Variants in ARHGAP5 observed in about 807,000 individuals in gnomAD.
ARHGAP5 encodes rho GTPase-activating protein 5.
Under a neutral mutation model 116.6 loss-of-function variants are expected in ARHGAP5, and 23 were observed. That is an observed-to-expected ratio of 0.20 (90% CI 0.14 to 0.28). ARHGAP5 has a LOEUF of 0.28. Ranked by LOEUF, ARHGAP5 falls within the 10% of genes least tolerant of loss-of-function variation. The probability of loss-of-function intolerance (pLI) is 1.00; values close to 1 mark genes in which losing one functional copy is unlikely to be tolerated. For synonymous variants in ARHGAP5, 574 were observed against 602.0 expected (o/e 0.95, Z 0.68); for missense variants, 1,405 against 1,774.8 (o/e 0.79, Z 3.74).
rs950474413 is a variant in ARHGAP5, at chr14:32,154,891, A to T, written c.4452A>T (p.Pro1484=). The T allele has an allele frequency of 6.2e-7, 1 of 1,613,900 alleles. No homozygotes were observed. Among genetic ancestry groups the T allele is most frequent in the Non-Finnish European group, 8.5e-7 (1 of 1,179,914 alleles). Residue 1484 remains proline (P), a synonymous_variant, in exon 7 of 7, where the codon CCA becomes CCT. Coordinates refer to ENST00000345122, the MANE Select transcript of ARHGAP5 (RefSeq NM_001030055.2). The part of the protein sequence containing the change: ...EPMVPLQLPP[P]LQPQLIQPQL... ...TGGTGCCACTTCAGTTGCCGCCACC[A>T]TTGCAACCTCAGCTGATACAACCAC... is the stretch of plus-strand genomic sequence containing the variant.
intron 2 of ARHGAP5, among the ~76,000 whole-genome samples, chr14:32,096,105 G>A (rs1878512543): frequency 6.7e-6 from 1 of 150,254 alleles, no homozygotes; most frequent in African/African-American, 2.4e-5. Context: ...GTGTGTGCGT[G>A]CGCACGTGTG....
chr14:32,132,872 G>A (rs1170400529), intron 3 of ARHGAP5, among the ~76,000 whole-genome samples: 6 of 152,088 alleles, frequency 3.9e-5, no homozygotes, highest in Non-Finnish European at 8.8e-5. Flanking sequence ...TTTTTGTCAG[G>A]TTTGTCAAAG....
rs1279011499 is a variant in ARHGAP5, at chr14:32,155,167, T to C, written c.*219T>C. The C allele has an allele frequency of 3.9e-6, 2 of 506,866 alleles. No individual in the cohort carries two copies. Among genetic ancestry groups the C allele is most frequent in the Non-Finnish European group, 6.9e-6 (2 of 288,814 alleles). 31.4% of individuals were successfully genotyped at this position (506,866 alleles called of 1,614,324 possible). A position where few individuals can be genotyped will look rare whatever the true frequency, so the allele number is the denominator to read the frequency against. ...GAGGTTTAATTTTTATAAACAAAAA[T>C]AGCTATAAAGTACAAAGCTGCTGCT... On this transcript the variant is annotated 3_prime_UTR_variant, in exon 7 of 7. Coordinates refer to ENST00000345122, the MANE Select transcript of ARHGAP5 (RefSeq NM_001030055.2).
intron 3 of ARHGAP5, among the ~76,000 whole-genome samples, chr14:32,121,193 A>G (rs929778725): frequency 1.3e-5 from 2 of 151,872 alleles, no homozygotes; most frequent in Non-Finnish European, 2.9e-5. Context: ...GTTTTGGTAG[A>G]AACAGGGTTT....
At chr14:32,116,185 G>T (rs542340199) in intron 2 of ARHGAP5, among the ~76,000 whole-genome samples, 2 of 151,428 alleles carry the variant, frequency 1.3e-5, no homozygotes, top group East Asian at 3.9e-4. Context: ...TACTCCGGAG[G>T]CTGAGGCAGG....
At chr14:32,115,868 G>C (rs1879545140) in intron 2 of ARHGAP5, among the ~76,000 whole-genome samples, 1 of 148,688 alleles carries the variant, frequency 6.7e-6, no homozygotes, top group Non-Finnish European at 1.5e-5. Context: ...GGTGGCAGGC[G>C]CCTGTAGTCC....
In ARHGAP5 at chr14:32,108,032, G is replaced by A. The variant is rs1319305653; in HGVS notation, c.3718-9108G>A. ...TGATATGGGAGCTAACAGATCAAGT[G>A]TTTAGGGAGGAAGTTCAAGAAAGAA... is the stretch of plus-strand genomic sequence containing the variant. On this transcript the variant is annotated intron_variant, in intron 2 of 6. Coordinates refer to ENST00000345122, the MANE Select transcript of ARHGAP5 (RefSeq NM_001030055.2). Among the ~76,000 whole-genome samples the A allele has an allele frequency of 1.3e-5, 2 of 152,138 alleles. 1 individual carries two copies. Among genetic ancestry groups the A allele is most frequent in the Non-Finnish European group, 2.9e-5 (2 of 68,002 alleles).
intron 3 of ARHGAP5, among the ~76,000 whole-genome samples, chr14:32,144,240 A>T (rs1881268210): frequency 6.6e-6 from 1 of 152,214 alleles, no homozygotes; most frequent in Admixed American, 6.5e-5. Flanking sequence ...GAATACATTC[A>T]CAAAGTCAGG....
rs2041716261 is a variant in ARHGAP5, at chr14:32,077,427, C to T, written c.-177C>T. 2.8e-6 allele frequency: 2 copies of T among 706,324 alleles called. No individual in the cohort carries two copies. The highest frequency in any genetic ancestry group is 2.6e-6 in the Non-Finnish European group (1 of 387,128). 43.8% of individuals were successfully genotyped at this position (706,324 alleles called of 1,614,324 possible). ...TTGAGGAGGAGACGGAGGAGACCGA[C>T]GTTGTTAGGTAGGACCTTGCGGACC... On this transcript the variant is annotated 5_prime_UTR_variant, in exon 1 of 7. In the 5' UTR this introduces an upstream ATG that the reference lacks. Coordinates refer to ENST00000345122, the MANE Select transcript of ARHGAP5 (RefSeq NM_001030055.2).
chr14:32,094,840 G>T (rs551026650), intron 2 of ARHGAP5, among the ~76,000 whole-genome samples: 13 of 152,214 alleles, frequency 8.5e-5, no homozygotes, highest in African/African-American at 3.1e-4. Flanking sequence ...GCAGATGGTG[G>T]TATACTACCT....
At chr14:32,111,678 T>C (rs1033652522) in intron 2 of ARHGAP5, among the ~76,000 whole-genome samples, 1 of 152,124 alleles carries the variant, frequency 6.6e-6, no homozygotes, top group Non-Finnish European at 1.5e-5. Context: ...AAGAATGATA[T>C]AGCAGGAAAA....
chr14:32,158,274 C>T lies in ARHGAP5; in HGVS notation c.*3326C>T, dbSNP rs879027280. 4.6e-5 allele frequency: 7 copies of T among 151,634 alleles called. No individual in the cohort carries two copies. Among genetic ancestry groups the T allele is most frequent in the African/African-American group, 1.7e-4 (7 of 41,344 alleles). 9.4% of individuals were successfully genotyped at this position (151,634 alleles called of 1,614,324 possible). ...TTAAGGAGATGTATTATTGAATTTT[C>T]ACTGTACCTGAAAAGGAGATTCAAA... On this transcript the variant is annotated 3_prime_UTR_variant, in exon 7 of 7. Transcript: ENST00000345122.
At chr14:32,112,823 A>C (rs1879378071) in intron 2 of ARHGAP5, among the ~76,000 whole-genome samples, 1 of 152,054 alleles carries the variant, frequency 6.6e-6, no homozygotes. Flanking sequence ...GTGAGCAGAG[A>C]TGGCGCCACT....
intron 3 of ARHGAP5, among the ~76,000 whole-genome samples, chr14:32,137,820 A>G (rs1880888713): frequency 6.6e-6 from 1 of 151,842 alleles, no homozygotes; most frequent in Non-Finnish European, 1.5e-5. Flanking sequence ...AAAAATACAA[A>G]AATTAGCCAG....
At position 32,129,346 on chromosome 14, in the gene ARHGAP5, C is replaced by T. The variant is rs575582604; in HGVS notation, c.3865+12059C>T. Among the ~76,000 whole-genome samples the T allele has an allele frequency of 9.2e-5, 14 of 152,108 alleles. No individual in the cohort carries two copies. In the East Asian group the frequency reaches 2.7e-3, roughly 29 times the overall value. On this transcript the variant is annotated intron_variant, in intron 3 of 6. Transcript: ENST00000345122. ...ATAGCTGAGGTATTACTGTATTTGCCAGAATTTTTATTTGCATGTGGTTGC... is the reference window on the plus strand; with the variant it reads ...ATAGCTGAGGTATTACTGTATTTGCTAGAATTTTTATTTGCATGTGGTTGC...
rs1437591375 is a variant in ARHGAP5, at chr14:32,159,143, T to C, written c.*4195T>C. ...TGATAATTAGCATTTTAGTTAATAC[T>C]AAATGCATAAAATTATAACCCTTGA... On this transcript the variant is annotated 3_prime_UTR_variant, in exon 7 of 7. Coordinates refer to ENST00000345122, the MANE Select transcript of ARHGAP5 (RefSeq NM_001030055.2). 6.6e-6 allele frequency: 1 copy of C among 152,162 alleles called. No individual in the cohort carries two copies. The highest frequency in any genetic ancestry group is 1.5e-5 in the Non-Finnish European group (1 of 67,978). 9.4% of individuals were successfully genotyped at this position (152,162 alleles called of 1,614,324 possible).
At chr14:32,138,550 C>T (rs1880932547) in intron 3 of ARHGAP5, among the ~76,000 whole-genome samples, 1 of 152,200 alleles carries the variant, frequency 6.6e-6, no homozygotes, top group Non-Finnish European at 1.5e-5. Context: ...TCCCAAAGTG[C>T]TGGGATTACA....
intron 2 of ARHGAP5, among the ~76,000 whole-genome samples, chr14:32,098,956 G>C (rs1878661141): frequency 2.0e-5 from 3 of 152,142 alleles, no homozygotes; most frequent in African/African-American, 7.2e-5. Context: ...TTGAGTGAGG[G>C]CTAGAGAGGC....
intron 4 of ARHGAP5, among the ~76,000 whole-genome samples, chr14:32,148,166 C>CTATCTA (rs1390350715): frequency 8.9e-6 from 1 of 112,248 alleles, no homozygotes; most frequent in Non-Finnish European, 2.0e-5. Flanking sequence ...AAAAAGAAAT[C>CTATCTA]TATCTATCTA....
Sources: allele counts gnomAD v4.1 joint callset (sites outside exome capture counted in the v4.1 genomes callset), GRCh38; gene constraint gnomAD v4.1.1; transcripts MANE v1.5; gene names NCBI Gene and HGNC (gene_info 2026-07-23, HGNC 2026-07-21).